The following MRPS28 variants were observed in gnomAD, a reference collection of about 807,000 sequenced individuals.
The protein encoded by MRPS28 is mitochondrial ribosomal protein S28.
Under a neutral mutation model 10.8 loss-of-function variants are expected in MRPS28, and 7 were observed. The observed-to-expected ratio is 0.65, with a 90% CI of 0.37 to 1.22. The LOEUF (loss-of-function observed/expected upper bound fraction) is 1.22. MRPS28 is among the 50% of genes most tolerant of loss of function. The pLI, the probability that MRPS28 is intolerant of heterozygous loss-of-function variation, is 0.02. For missense variants in MRPS28, 265 were observed against 232.9 expected, an observed-to-expected ratio of 1.14 and a Z score of -0.90; for synonymous variants, 121 against 93.3, an observed-to-expected ratio of 1.30 and a Z score of -1.71.
At chr8:80,008,611 A>T (rs1478839826) in intron 1 of MRPS28, among the ~76,000 whole-genome samples, 1 of 152,274 alleles carries the variant, frequency 6.6e-6, no homozygotes, top group Non-Finnish European at 1.5e-5. Context: ...AAAGTGGGTG[A>T]AGGATATGAA....
chr8:79,970,128 T>C (rs1397228915), intron 2 of MRPS28, among the ~76,000 whole-genome samples: 1 of 152,226 alleles, frequency 6.6e-6, no homozygotes, highest in African/African-American at 2.4e-5. Flanking sequence ...AAGGTGCATA[T>C]GGCTCCACCT....
chr8:79,966,102 A>T (rs1040874114), intron 2 of MRPS28, among the ~76,000 whole-genome samples: 1 of 152,112 alleles, frequency 6.6e-6, no homozygotes, highest in Non-Finnish European at 1.5e-5. Flanking sequence ...GGTTAAAATA[A>T]CAAAAATATT....
At chr8:80,017,063 C>CTTTATGGAAT (rs1488961107) in intron 1 of MRPS28, among the ~76,000 whole-genome samples, 2 of 152,112 alleles carry the variant, frequency 1.3e-5, no homozygotes, top group Admixed American at 6.6e-5. Flanking sequence ...TAAAACACAC[C>CTTTATGGAAT]TTAACAAATT....
chr8:80,030,232 C>T lies in MRPS28; in HGVS notation c.17G>A (p.Arg6Gln), dbSNP rs1809650430. The T allele has an allele frequency of 1.9e-6, 3 of 1,614,066 alleles. No individual in the cohort carries two copies. The highest frequency in any genetic ancestry group is 2.5e-6 in the Non-Finnish European group (3 of 1,180,034). ...GCTCTCGGCAGCCACAGCACGGGTC[C>T]GACACAGCGCCGCCATGACTTCTTT... MAALC[R>Q]TRAVAAESHF... is the part of the protein sequence containing the mutation. Residue 6 changes from arginine to glutamine, a missense_variant, in exon 1 of 3, where the codon CGG becomes CAG. Transcript: ENST00000276585.
intron 1 of MRPS28, among the ~76,000 whole-genome samples, chr8:80,023,737 T>A (rs1479520083): frequency 6.6e-6 from 1 of 152,224 alleles, no homozygotes; most frequent in Non-Finnish European, 1.5e-5. Flanking sequence ...CACCCTCTAC[T>A]GCTAAGAGTC....
chr8:79,977,438 A>G (rs1202081405), intron 2 of MRPS28, among the ~76,000 whole-genome samples: 1 of 152,214 alleles, frequency 6.6e-6, no homozygotes, highest in Non-Finnish European at 1.5e-5. Flanking sequence ...AGAATAAACA[A>G]ATGATTTAAA....
Position 80,030,140 on chromosome 8 carries a change from T to G in MRPS28, c.109A>C (p.Ser37Arg), listed in dbSNP as rs756766492. The G allele has an allele frequency of 6.2e-7, 1 of 1,612,520 alleles. No individual in the cohort carries two copies. The highest frequency in any genetic ancestry group is 2.2e-5 in the East Asian group (1 of 44,876). ...RGVGTESGSE[S>R]GSSNAKEPKT... ...GGCTCCTTGGCATTGGAACTACCAC[T>G]TTCGGATCCACTCTCAGTGCCTACA... The change falls in exon 1 of 3, where the codon AGT (serine) becomes CGT (arginine). Residue 37 changes from serine to arginine, a missense_variant. Coordinates refer to ENST00000276585, the MANE Select transcript of MRPS28 (RefSeq NM_014018.3).
chr8:80,015,022 A>G (rs1809158746), intron 1 of MRPS28, among the ~76,000 whole-genome samples: 1 of 152,182 alleles, frequency 6.6e-6, no homozygotes, highest in South Asian at 2.1e-4. Flanking sequence ...ACCAGTGCCG[A>G]GGTAGGGAAA....
intron 2 of MRPS28, among the ~76,000 whole-genome samples, chr8:79,980,327 T>A (rs1419212240): frequency 6.6e-6 from 1 of 152,182 alleles, no homozygotes; most frequent in African/African-American, 2.4e-5. Context: ...AAGGCCATGA[T>A]CTTAACTAGT....
intron 2 of MRPS28, among the ~76,000 whole-genome samples, chr8:79,986,663 C>T (rs1312783857): frequency 1.3e-5 from 2 of 151,832 alleles, no homozygotes; most frequent in Non-Finnish European, 2.9e-5. Flanking sequence ...CATGAGTGAA[C>T]TCCCATTCAC....
chr8:80,001,581 G>A (rs1421123960), intron 2 of MRPS28, among the ~76,000 whole-genome samples: 5 of 152,184 alleles, frequency 3.3e-5, no homozygotes, highest in South Asian at 2.1e-4. Flanking sequence ...TTCAGTAGCC[G>A]TTTACATAAC....
At chr8:79,975,715 A>G (rs1387243971) in intron 2 of MRPS28, among the ~76,000 whole-genome samples, 1 of 152,204 alleles carries the variant, frequency 6.6e-6, no homozygotes, top group African/African-American at 2.4e-5. Flanking sequence ...GCAAGATGAA[A>G]AAAAAACACC....
chr8:80,014,656 A>T (rs1455998760), intron 1 of MRPS28, among the ~76,000 whole-genome samples: 1 of 152,202 alleles, frequency 6.6e-6, no homozygotes. Context: ...GTAAGGAATA[A>T]ATGTGTGGCC....
At position 80,003,198 on chromosome 8, in the gene MRPS28, T is replaced by C. The variant is rs1468375696; in HGVS notation, c.214-18A>G. On this transcript the variant is annotated intron_variant, in intron 1 of 2. Coordinates refer to ENST00000276585, the MANE Select transcript of MRPS28 (RefSeq NM_014018.3). The stretch of plus-strand genomic sequence containing the variant: ...GGAGAACCCTAAATATGAAAAGAGA[T>C]ATTTATATACATATAACTCAACATG... 3 of 1,534,414 alleles carry C rather than the reference T, an allele frequency of 2.0e-6. No homozygotes were observed. Among genetic ancestry groups the C allele is most frequent in the Non-Finnish European group, 2.6e-6 (3 of 1,141,260 alleles).
At chr8:79,979,850 A>T (rs1217610068) in intron 2 of MRPS28, among the ~76,000 whole-genome samples, 1 of 147,892 alleles carries the variant, frequency 6.8e-6, no homozygotes, top group Non-Finnish European at 1.5e-5. Flanking sequence ...GTTGATGTTA[A>T]AGCATAAAGC....
chr8:80,020,087 TG>T (rs1422685109), intron 1 of MRPS28, among the ~76,000 whole-genome samples: 1 of 152,168 alleles, frequency 6.6e-6, no homozygotes, highest in Non-Finnish European at 1.5e-5. Context: ...GTTGCGAGGG[TG>T]GCTTCCAGGT....
chr8:80,008,310 C>T (rs1808924006), intron 1 of MRPS28, among the ~76,000 whole-genome samples: 2 of 152,054 alleles, frequency 1.3e-5, no homozygotes, highest in African/African-American at 4.8e-5. Context: ...GACCTAAAAC[C>T]ATAAAAACCC....
chr8:79,948,038 A>T (rs1586052369), intron 2 of MRPS28, among the ~76,000 whole-genome samples: 3 of 146,804 alleles, frequency 2.0e-5, no homozygotes, highest in African/African-American at 5.1e-5. Context: ...CCCAGGCTGG[A>T]GTGCAGTGGC....
At chr8:79,929,457 T>C (rs28477106) in intron 2 of MRPS28, among the ~76,000 whole-genome samples, 9,070 of 152,170 alleles carry the variant, frequency 0.06, 467 homozygotes, top group Admixed American at 0.18. Flanking sequence ...GCTGAAAGAA[T>C]ACTGTATTAT....
Sources: gnomAD v4.1 joint callset for allele counts (sites outside exome capture counted in the v4.1 genomes callset) on GRCh38, gnomAD v4.1.1 for gene constraint, MANE v1.5 for transcripts, NCBI Gene and HGNC (gene_info 2026-07-23, HGNC 2026-07-21) for gene names.